The following ABHD18 variants were observed in gnomAD, a reference collection of about 807,000 sequenced individuals.
The protein encoded by ABHD18 is abhydrolase domain containing 18, also known as cardiolipin-specific deacylase, mitochondrial.
In ABHD18, 55 loss-of-function variants were observed where a neutral mutation model predicts 65.9. The ratio of observed to expected loss-of-function variants is 0.84; its 90% CI spans 0.67 to 1.05. The LOEUF is 1.05. ABHD18 is among the 50% of genes least tolerant of loss of function. The pLI, the probability that ABHD18 is intolerant of heterozygous loss-of-function variation, is 0.00. For synonymous variants in ABHD18, 181 were observed against 180.2 expected, an observed-to-expected ratio of 1.00 and a Z score of -0.04; for missense variants, 533 against 558.5, an observed-to-expected ratio of 0.95 and a Z score of 0.46.
chr4:127,978,426 A>G (rs1289753315), intron 1 of ABHD18, among the ~76,000 whole-genome samples: 2 of 152,156 alleles, frequency 1.3e-5, no homozygotes, highest in African/African-American at 4.8e-5. Flanking sequence ...CGTATTGAGG[A>G]GTTCTGCTGG....
chr4:127,974,603 G>A (rs1747528717), intron 1 of ABHD18, among the ~76,000 whole-genome samples: 1 of 151,848 alleles, frequency 6.6e-6, no homozygotes, highest in Admixed American at 6.6e-5. Context: ...GAACTCCTGG[G>A]CTCAAGCTAT....
chr4:128,011,727 C>A, intron 7 of ABHD18, 27 bp downstream of exon 7: 2 of 1,513,478 alleles, frequency 1.3e-6, no homozygotes, highest in South Asian at 1.3e-5. Context: ...TTCATTTTTG[C>A]AGTCTTTTTA....
rs370223578 is a variant in ABHD18 at position 128,019,510 on chromosome 4, T to C, written c.610-570T>C. Among the ~76,000 whole-genome samples the C allele has an allele frequency of 1.5e-4, 23 of 152,312 alleles. No individual in the cohort carries two copies. In the East Asian group the frequency reaches 4.0e-3, roughly 27 times the overall value. ...TTCATTCCTCTAGAAGACTCATCCA[T>C]TTCATGAAGCCTGCCTTTCCCTTCT... On this transcript the variant is annotated intron_variant, in intron 8 of 12. Transcript: ENST00000645843.
rs147973940 is a variant in ABHD18 at position 127,976,321 on chromosome 4, G to T, written c.-17-6618G>T. On this transcript the variant is annotated intron_variant, in intron 1 of 12. Transcript: ENST00000645843. ...ACATTTGTACCCAATTTCATTATGG[G>T]GTACTAACTTTGAATCTCAATTAAG... Among the ~76,000 whole-genome samples, 59 of 151,648 alleles carry T rather than the reference G, an allele frequency of 3.9e-4. No individual in the cohort carries two copies. The East Asian group carries it at 9.5e-3, about 24-fold the overall frequency.
At chr4:127,974,652 G>A (rs1031040012) in intron 1 of ABHD18, among the ~76,000 whole-genome samples, 3 of 151,900 alleles carry the variant, frequency 2.0e-5, no homozygotes, top group Non-Finnish European at 4.4e-5. Flanking sequence ...GATTACAGGT[G>A]TGAGCCATGG....
At chr4:127,972,996 C>T (rs963438194) in intron 1 of ABHD18, among the ~76,000 whole-genome samples, 4 of 151,988 alleles carry the variant, frequency 2.6e-5, no homozygotes, top group African/African-American at 9.7e-5. Context: ...TTTCTCTCCC[C>T]TACCCTCCCC....
At chr4:128,032,882 T>C (rs1758405511) in intron 12 of ABHD18, among the ~76,000 whole-genome samples, 1 of 152,186 alleles carries the variant, frequency 6.6e-6, no homozygotes, top group African/African-American at 2.4e-5. Flanking sequence ...TATTGTAACT[T>C]TTGGCACCAG....
At position 128,030,661 on chromosome 4, in the gene ABHD18, A is replaced by G; in HGVS notation, c.1332A>G (p.Gln444=). The G allele has an allele frequency of 6.3e-7, 1 of 1,591,132 alleles. No homozygotes were observed. The highest frequency in any genetic ancestry group is 8.5e-7 in the Non-Finnish European group (1 of 1,175,062). The part of the protein sequence containing the change: ...GGHISAYLFK[Q]GLFRQAIYDA... ...ATATTAGTGCTTATCTTTTTAAACAAGGACTCTTCAGGTAAGACGGCTGGT... is the reference window on the plus strand; with the variant it reads ...ATATTAGTGCTTATCTTTTTAAACAGGGACTCTTCAGGTAAGACGGCTGGT... Residue 444 remains glutamine (Q), a synonymous_variant, in exon 12 of 13, where the codon CAA becomes CAG. Transcript: ENST00000645843.
intron 8 of ABHD18, among the ~76,000 whole-genome samples, chr4:128,019,013 CA>C (rs370222831): frequency 0.023 from 1,352 of 58,356 alleles, 8 homozygotes; most frequent in East Asian, 0.041. Context: ...GACTACATCT[CA>C]AAAAAAAAAA....
chr4:128,001,805 G>A (rs1269683850), intron 4 of ABHD18: 9 of 1,512,038 alleles, frequency 6.0e-6, no homozygotes, highest in East Asian at 2.6e-5. Flanking sequence ...GTGGTCTTTT[G>A]TATATCCTTA....
At position 128,035,310 on chromosome 4, in the gene ABHD18, G is replaced by A. The variant is rs116505807; in HGVS notation, c.1344-452G>A. Among the ~76,000 whole-genome samples, 1,227 of 152,210 alleles carry A rather than the reference G, an allele frequency of 8.1e-3. 10 individuals are homozygous for A. Among genetic ancestry groups the A allele is most frequent in the Middle Eastern group, 0.02 (6 of 294 alleles). Reference sequence around the variant, plus strand: ...ATTGGAAGTATATTTGAGGTTTTCCGGTAGTGGTGGTAAAGTTGCATGCAT... The same window carrying A: ...ATTGGAAGTATATTTGAGGTTTTCCAGTAGTGGTGGTAAAGTTGCATGCAT... On this transcript the variant is annotated intron_variant, in intron 12 of 12. Transcript: ENST00000645843.
intron 1 of ABHD18, among the ~76,000 whole-genome samples, chr4:127,977,203 TG>T (rs1246096064): frequency 2.0e-5 from 3 of 151,988 alleles, no homozygotes; most frequent in Non-Finnish European, 4.4e-5. Context: ...CTGGGCGTGG[TG>T]GCTCACGCCT....
At chr4:128,032,628 G>C (rs1439716505) in intron 12 of ABHD18, among the ~76,000 whole-genome samples, 1 of 152,182 alleles carries the variant, frequency 6.6e-6, no homozygotes, top group Non-Finnish European at 1.5e-5. Flanking sequence ...GGAGGTTGCA[G>C]TGAGCTATCG....
At chr4:127,974,774 C>G (rs950989000) in intron 1 of ABHD18, among the ~76,000 whole-genome samples, 1 of 151,796 alleles carries the variant, frequency 6.6e-6, no homozygotes, top group African/African-American at 2.4e-5. Flanking sequence ...GAGGGTGGAT[C>G]ACCTGAGGTC....
At chr4:128,017,524 A>G (rs568585554) in intron 8 of ABHD18, 23 bp downstream of exon 8, 1 of 1,569,880 alleles carries the variant, frequency 6.4e-7, no homozygotes, top group South Asian at 1.2e-5. Flanking sequence ...ATTTCTGCTT[A>G]CATTTAATTA....
intron 3 of ABHD18, among the ~76,000 whole-genome samples, chr4:127,987,956 C>G (rs1038639112): frequency 3.3e-5 from 5 of 151,894 alleles, no homozygotes; most frequent in African/African-American, 1.2e-4. Context: ...ATCAGGAATA[C>G]TCTGGTAAGG....
chr4:128,007,002 G>A (rs748750292), intron 4 of ABHD18, among the ~76,000 whole-genome samples: 1 of 152,102 alleles, frequency 6.6e-6, no homozygotes, highest in Non-Finnish European at 1.5e-5. Flanking sequence ...AAAATTAGCC[G>A]GGCATGGTGG....
At position 128,030,700 on chromosome 4, in the gene ABHD18, C is replaced by T. The variant is rs551066236; in HGVS notation, c.1343+28C>T. The T allele has an allele frequency of 1.2e-5, 19 of 1,522,600 alleles. No individual in the cohort carries two copies. In the East Asian group the frequency reaches 3.1e-4, roughly 25 times the overall value. The allele number at this position is 1,522,600 out of a possible 1,614,324, so 94.3% of individuals were successfully genotyped here. On this transcript the variant is annotated intron_variant, in intron 12 of 12. Coordinates refer to ENST00000645843, the MANE Select transcript of ABHD18 (RefSeq NM_001358451.3). ...AAGACGGCTGGTCTAAACATGTATT[C>T]GTTCATTTGTTGTTTGTTTTCTGGA...
chr4:128,030,287 C>T (rs1238339696), intron 11 of ABHD18, among the ~76,000 whole-genome samples: 1 of 152,136 alleles, frequency 6.6e-6, no homozygotes, highest in Non-Finnish European at 1.5e-5. Context: ...TGTACCCACA[C>T]CCACACAAAA....
Sources: gnomAD v4.1 joint callset for allele counts (sites outside exome capture counted in the v4.1 genomes callset) on GRCh38, gnomAD v4.1.1 for gene constraint, MANE v1.5 for transcripts, NCBI Gene and HGNC (gene_info 2026-07-23, HGNC 2026-07-21) for gene names.